CEP135: variants seen among roughly 807,000 people sequenced by gnomAD.
The protein encoded by CEP135 is centrosomal protein of 135 kDa.
Under a neutral mutation model 157.3 loss-of-function variants are expected in CEP135, and 142 were observed. That is an observed-to-expected ratio of 0.90 (90% CI 0.79 to 1.04). The LOEUF is 1.04. CEP135 is among the 50% of genes least tolerant of loss of function. The probability of loss-of-function intolerance (pLI) is 0.00; values close to 1 mark genes in which losing one functional copy is unlikely to be tolerated. For missense variants in CEP135, 1,317 were observed against 1,309.2 expected (o/e 1.01, Z -0.09); for synonymous variants, 396 against 439.8 (o/e 0.90, Z 1.25).
intron 25 of CEP135, 82 bp downstream of exon 25, chr4:56,024,696 G>A (rs1421098342): frequency 2.1e-6 from 2 of 948,088 alleles, no homozygotes; most frequent in African/African-American, 3.3e-5. Flanking sequence ...TCAGGAAAGG[G>A]GAGATTGCCT....
intron 17 of CEP135, among the ~76,000 whole-genome samples, chr4:56,000,641 C>T (rs1286928992): frequency 1.3e-5 from 2 of 152,168 alleles, no homozygotes; most frequent in South Asian, 4.1e-4. Context: ...CCTCCAGGTC[C>T]ATCCATGTTG....
Position 56,017,866 on chromosome 4 carries a change from G to T in CEP135, c.3012+9G>T, listed in dbSNP as rs771337938. The T allele has an allele frequency of 1.9e-6, 3 of 1,607,904 alleles. No homozygotes were observed. The highest frequency in any genetic ancestry group is 2.5e-6 in the Non-Finnish European group (3 of 1,177,316). ...ACCTTGAGTTTGAGAGGGTAAGAAAGATAAATTGTCTTGGCACATTGTTTT... is the reference window on the plus strand; with the variant it reads ...ACCTTGAGTTTGAGAGGGTAAGAAATATAAATTGTCTTGGCACATTGTTTT... On this transcript the variant is annotated intron_variant, in intron 22 of 25. Coordinates refer to ENST00000257287, the MANE Select transcript of CEP135 (RefSeq NM_025009.5).
intron 17 of CEP135, among the ~76,000 whole-genome samples, chr4:56,007,383 G>T (rs1730392008): frequency 6.6e-6 from 1 of 152,212 alleles, no homozygotes; most frequent in African/African-American, 2.4e-5. Flanking sequence ...GTCCCAAAGG[G>T]GATGTCCCAG....
intron 10 of CEP135, 37 bp from the exon 11 acceptor site, chr4:55,974,709 C>T (rs780476087): frequency 8.9e-6 from 13 of 1,467,118 alleles, no homozygotes; most frequent in Admixed American, 3.7e-5. Context: ...ATTATGTATA[C>T]AACATTATTT....
intron 8 of CEP135, among the ~76,000 whole-genome samples, chr4:55,967,248 G>A (rs2109660205): frequency 6.6e-6 from 1 of 152,056 alleles, no homozygotes; most frequent in African/African-American, 2.4e-5. Flanking sequence ...TTATCAGTGG[G>A]TTAAAGTGAC....
intron 11 of CEP135, among the ~76,000 whole-genome samples, chr4:55,979,606 G>C (rs1381071048): frequency 6.6e-6 from 1 of 152,118 alleles, no homozygotes; most frequent in South Asian, 2.1e-4. Context: ...TGTACTGGGC[G>C]AGCAGGCACA....
At chr4:56,024,465 T>G in intron 24 of CEP135, 36 bp from the exon 25 acceptor site, 1 of 1,508,302 alleles carries the variant, frequency 6.6e-7, no homozygotes, top group South Asian at 1.2e-5. Flanking sequence ...TCCCTGGTGC[T>G]TGAATATATC....
intron 22 of CEP135, among the ~76,000 whole-genome samples, chr4:56,018,674 C>G (rs1273572787): frequency 6.6e-6 from 1 of 151,944 alleles, no homozygotes; most frequent in Non-Finnish European, 1.5e-5. Flanking sequence ...AGGGAAGGTT[C>G]ACTTGAGCCC....
At position 55,992,018 on chromosome 4, in the gene CEP135, C is replaced by A. The variant is rs1411838440; in HGVS notation, c.1942C>A (p.Gln648Lys). 1 of 1,608,688 alleles carries A rather than the reference C, an allele frequency of 6.2e-7. No individual in the cohort carries two copies. The highest frequency in any genetic ancestry group is 2.2e-5 in the East Asian group (1 of 44,554). Residue 648 changes from glutamine to lysine, a missense_variant, in exon 15 of 26, where the codon CAA becomes AAA. Physicochemically the swap from Gln to Lys is moderately conservative, Grantham distance 53. Coordinates refer to ENST00000257287, the MANE Select transcript of CEP135 (RefSeq NM_025009.5). ...IESLENKLKV[Q>K]AQKFSHVAGD... is the part of the protein sequence containing the mutation. ...GTCGTTAGAGAACAAATTAAAAGTCCAAGCTCAAAAATTTAGCCATGTGGC... is the reference window on the plus strand; with the variant it reads ...GTCGTTAGAGAACAAATTAAAAGTCAAAGCTCAAAAATTTAGCCATGTGGC...
chr4:55,970,667 C>T (rs1031715882), intron 9 of CEP135, among the ~76,000 whole-genome samples: 1 of 152,056 alleles, frequency 6.6e-6, no homozygotes, highest in African/African-American at 2.4e-5. Flanking sequence ...AAGATGTTGC[C>T]GTAGTTACTT....
At chr4:55,956,726 T>A (rs906276294) in intron 4 of CEP135, among the ~76,000 whole-genome samples, 8 of 152,100 alleles carry the variant, frequency 5.3e-5, no homozygotes, top group African/African-American at 1.9e-4. Context: ...TTCTCCTGCC[T>A]CAGCCTCCCA....
In CEP135 at chr4:56,033,006, T is replaced by A. The variant is rs1731416325; in HGVS notation, c.*1658T>A. ...CCTTTGTAATTTTATGTATCCCATC[T>A]CCTTTGTGTGAATTCATATATTATA... On this transcript the variant is annotated 3_prime_UTR_variant, in exon 26 of 26. Transcript: ENST00000257287. The A allele has an allele frequency of 6.6e-6, 1 of 152,056 alleles. No homozygotes were observed. Among genetic ancestry groups the A allele is most frequent in the African/African-American group, 2.4e-5 (1 of 41,420 alleles). 9.4% of individuals were successfully genotyped at this position (152,056 alleles called of 1,614,324 possible).
intron 21 of CEP135, among the ~76,000 whole-genome samples, chr4:56,013,832 A>G (rs1429901063): frequency 6.6e-6 from 1 of 152,192 alleles, no homozygotes; most frequent in Non-Finnish European, 1.5e-5. Context: ...TCTTATTTGG[A>G]AAAAGTGTCT....
At chr4:56,025,279 G>T (rs759609556) in intron 25 of CEP135, among the ~76,000 whole-genome samples, 1 of 152,036 alleles carries the variant, frequency 6.6e-6, no homozygotes, top group African/African-American at 2.4e-5. Flanking sequence ...GCATTTTATC[G>T]TATATAAATT....
At chr4:55,960,882 C>A (rs1334132788) in intron 6 of CEP135, 3 of 146,104 alleles carry the variant, frequency 2.1e-5, no homozygotes, top group Non-Finnish European at 4.5e-5. Context: ...GCCGAGATCC[C>A]GCCACTGCAC....
intron 11 of CEP135, among the ~76,000 whole-genome samples, chr4:55,976,048 G>A (rs114426491): frequency 6.6e-6 from 1 of 152,080 alleles, no homozygotes; most frequent in South Asian, 2.1e-4. Flanking sequence ...CCAGGAGTTC[G>A]AGACCAGTCT....
chr4:55,995,312 TTTG>T (rs1484255948), intron 15 of CEP135, among the ~76,000 whole-genome samples: 1 of 152,168 alleles, frequency 6.6e-6, no homozygotes, highest in Non-Finnish European at 1.5e-5. Context: ...CCCACCGTAT[TTTG>T]TTGTTGTCTG....
At chr4:55,964,505 G>C in intron 7 of CEP135, 103 bp downstream of exon 7, 1 of 847,410 alleles carries the variant, frequency 1.2e-6, no homozygotes, top group Non-Finnish European at 1.7e-6. Context: ...GGCAGGAGTT[G>C]TTCACTGAGG....
chr4:55,953,330 A>G, intron 3 of CEP135, 55 bp downstream of exon 3: 1 of 1,281,454 alleles, frequency 7.8e-7, no homozygotes, highest in Non-Finnish European at 1.1e-6. Context: ...TTTTTATTTT[A>G]GAAGGAAAAG....
Sources: allele counts gnomAD v4.1 joint callset (sites outside exome capture counted in the v4.1 genomes callset), GRCh38; gene constraint gnomAD v4.1.1; transcripts MANE v1.5; gene names NCBI Gene and HGNC (gene_info 2026-07-23, HGNC 2026-07-21).